Variants in DOCK2 observed in about 807,000 individuals in gnomAD.
DOCK2 encodes the protein dedicator of cytokinesis protein 2.
DOCK2 carries 87 observed loss-of-function variants against 248.9 expected under a neutral mutation model. The observed-to-expected ratio is 0.35, with a 90% CI of 0.29 to 0.42. DOCK2 has a LOEUF of 0.42. Ranked by LOEUF, DOCK2 falls within the 10% of genes least tolerant of loss-of-function variation. The probability of loss-of-function intolerance (pLI) is 1.00; values close to 1 mark genes in which losing one functional copy is unlikely to be tolerated. For missense variants in DOCK2, 1,747 were observed against 2,300.2 expected, an observed-to-expected ratio of 0.76 and a Z score of 4.92; for synonymous variants, 805 against 821.6, an observed-to-expected ratio of 0.98 and a Z score of 0.35.
intron 26 of DOCK2, among the ~76,000 whole-genome samples, chr5:169,831,063 A>G (rs774549178): frequency 2.0e-5 from 3 of 152,158 alleles, no homozygotes; most frequent in Admixed American, 6.5e-5. Flanking sequence ...TCATTGTTAC[A>G]TATGTGATTA....
intron 27 of DOCK2, among the ~76,000 whole-genome samples, chr5:169,933,113 C>A (rs1471837578): frequency 1.3e-5 from 2 of 152,226 alleles, no homozygotes; most frequent in Non-Finnish European, 2.9e-5. Context: ...ACTCCCGACC[C>A]TCTCACCTGA....
chr5:169,828,532 T>C (rs1769019917), intron 26 of DOCK2, among the ~76,000 whole-genome samples: 1 of 152,232 alleles, frequency 6.6e-6, no homozygotes, highest in South Asian at 2.1e-4. Flanking sequence ...TAGTCATCAC[T>C]GAATGAGCTT....
intron 19 of DOCK2, among the ~76,000 whole-genome samples, chr5:169,714,675 G>C (rs1207246201): frequency 6.6e-6 from 1 of 152,168 alleles, no homozygotes; most frequent in Non-Finnish European, 1.5e-5. Context: ...GAAAACAATG[G>C]TTATGCTCAA....
chr5:169,806,219 GTTTTTT>G (rs36108162), intron 26 of DOCK2, among the ~76,000 whole-genome samples: 1 of 122,586 alleles, frequency 8.2e-6, no homozygotes, highest in Non-Finnish European at 1.6e-5. Context: ...CACCTCGAGA[GTTTTTT>G]TTTTTTTTTT....
chr5:169,781,906 G>A (rs973901522), intron 25 of DOCK2, among the ~76,000 whole-genome samples: 3 of 152,120 alleles, frequency 2.0e-5, no homozygotes, highest in Non-Finnish European at 4.4e-5. Context: ...CATCCCTGCC[G>A]ATGTCCCAGA....
intron 27 of DOCK2, among the ~76,000 whole-genome samples, chr5:169,948,613 A>AT (rs772095719): frequency 0.014 from 1,896 of 135,916 alleles, 17 homozygotes; most frequent in African/African-American, 0.029. Flanking sequence ...TCCACAATTA[A>AT]TTTTTTTTTT....
In DOCK2 at chr5:169,867,731, A is replaced by G. The variant is rs555372915; in HGVS notation, c.2799+26879A>G. ...ACATACACACATATATAATCATAAC[A>G]TCACAGTCTCTTCTTCCAGGAGGCA... On this transcript the variant is annotated intron_variant, in intron 27 of 51. Coordinates refer to ENST00000520908, the MANE Select transcript of DOCK2 (RefSeq NM_004946.3). Among the ~76,000 whole-genome samples, 3 of 152,244 alleles carry G rather than the reference A, an allele frequency of 2.0e-5. No homozygotes were observed. The East Asian group carries it at 5.8e-4, about 29-fold the overall frequency.
At position 169,983,103 on chromosome 5, in the gene DOCK2, C is replaced by T; in HGVS notation, c.2835C>T (p.Asn945=). The part of the protein sequence containing the change: ...HFVACMTAIL[N]QMGDQHYSFY... ...TGGCATGTATGACAGCCATCTTAAA[C>T]CAGATGGGTGACCAGCACTACTCCT... The change falls in exon 28 of 52, where the codon AAC becomes AAT. Residue 945 remains asparagine, a synonymous_variant. Transcript: ENST00000520908. 6.2e-7 allele frequency: 1 copy of T among 1,614,072 alleles called. No homozygotes were observed. The highest frequency in any genetic ancestry group is 8.5e-7 in the Non-Finnish European group (1 of 1,179,918).
chr5:169,940,955 G>A (rs1028305048), intron 27 of DOCK2, among the ~76,000 whole-genome samples: 7 of 152,202 alleles, frequency 4.6e-5, no homozygotes, highest in African/African-American at 1.7e-4. Flanking sequence ...TGCCGATAGT[G>A]CCATGGCTGA....
At chr5:170,045,959 TCA>T (rs1756693449) in intron 39 of DOCK2, 54 bp downstream of exon 39, 1 of 1,548,140 alleles carries the variant, frequency 6.5e-7, no homozygotes, top group African/African-American at 1.4e-5. Flanking sequence ...GCTCAGGGCC[TCA>T]GCTCACCCCA....
chr5:169,932,944 T>C (rs1775825447), intron 27 of DOCK2, among the ~76,000 whole-genome samples: 2 of 150,732 alleles, frequency 1.3e-5, no homozygotes, highest in Non-Finnish European at 2.9e-5. Context: ...AAAGCCTATC[T>C]CTTCCTCCCA....
chr5:169,848,233 G>A (rs546108443), intron 27 of DOCK2, among the ~76,000 whole-genome samples: 1 of 152,324 alleles, frequency 6.6e-6, no homozygotes, highest in South Asian at 2.1e-4. Flanking sequence ...TCACACACAG[G>A]TAGGCAATAT....
chr5:169,704,738 C>T (rs1761153393), intron 14 of DOCK2, among the ~76,000 whole-genome samples: 1 of 148,004 alleles, frequency 6.8e-6, no homozygotes, highest in African/African-American at 2.5e-5. Flanking sequence ...TCTATCAAAA[C>T]ATCTCATTTA....
intron 25 of DOCK2, among the ~76,000 whole-genome samples, chr5:169,772,011 T>C (rs1469669417): frequency 6.6e-6 from 1 of 152,216 alleles, no homozygotes; most frequent in Non-Finnish European, 1.5e-5. Context: ...GTTTCTCCTT[T>C]CTCCATGCCA....
chr5:169,699,336 A>G (rs1760819631), intron 11 of DOCK2, 46 bp from the exon 12 acceptor site: 1 of 1,588,828 alleles, frequency 6.3e-7, no homozygotes, highest in Non-Finnish European at 8.6e-7. Flanking sequence ...CTTGAAACGC[A>G]AGGAGGACAC....
At chr5:169,868,392 A>T (rs1284558547) in intron 27 of DOCK2, among the ~76,000 whole-genome samples, 1 of 152,262 alleles carries the variant, frequency 6.6e-6, no homozygotes, top group African/African-American at 2.4e-5. Context: ...CTCTGACTTC[A>T]TAATTCAAAT....
At chr5:169,689,783 T>G (rs1760188619) in intron 9 of DOCK2, among the ~76,000 whole-genome samples, 1 of 152,236 alleles carries the variant, frequency 6.6e-6, no homozygotes, top group African/African-American at 2.4e-5. Context: ...CCTTGGTAAA[T>G]TGGACATTCT....
chr5:169,862,204 T>C (rs574154838), intron 27 of DOCK2, among the ~76,000 whole-genome samples: 1 of 152,358 alleles, frequency 6.6e-6, no homozygotes, highest in African/African-American at 2.4e-5. Flanking sequence ...TATGTTCTTA[T>C]CTGTATTCAA....
chr5:169,897,842 T>C (rs1005286444), intron 27 of DOCK2, among the ~76,000 whole-genome samples: 2 of 152,214 alleles, frequency 1.3e-5, no homozygotes, highest in African/African-American at 4.8e-5. Flanking sequence ...TCTCCAGGTC[T>C]ATGTAATAGA....
Sources: allele counts gnomAD v4.1 joint callset (sites outside exome capture counted in the v4.1 genomes callset), GRCh38; gene constraint gnomAD v4.1.1; transcripts MANE v1.5; gene names NCBI Gene and HGNC (gene_info 2026-07-23, HGNC 2026-07-21).